The following SLC13A3 variants were observed in gnomAD, a reference collection of about 807,000 sequenced individuals.
The protein encoded by SLC13A3 is Na(+)/dicarboxylate cotransporter 3.
SLC13A3 carries 40 observed loss-of-function variants against 59.0 expected under a neutral mutation model. That is an observed-to-expected ratio of 0.68 (90% CI 0.53 to 0.88). The LOEUF is 0.88. SLC13A3 is among the 40% of genes least tolerant of loss of function. The pLI, the probability that SLC13A3 is intolerant of heterozygous loss-of-function variation, is 0.00. For synonymous variants in SLC13A3, 317 were observed against 330.3 expected, an observed-to-expected ratio of 0.96 and a Z score of 0.44; for missense variants, 699 against 783.2, an observed-to-expected ratio of 0.89 and a Z score of 1.28.
intron 3 of SLC13A3, among the ~76,000 whole-genome samples, chr20:46,606,413 C>T (rs1050866497): frequency 5.9e-5 from 9 of 152,162 alleles, no homozygotes; most frequent in African/African-American, 2.2e-4. Context: ...ATGAGCACCA[C>T]GCTTCACTCA....
At chr20:46,591,164 C>CTAAATAAATAAATAAA (rs56802241) in intron 6 of SLC13A3, among the ~76,000 whole-genome samples, 16 of 148,964 alleles carry the variant, frequency 1.1e-4, no homozygotes, top group Admixed American at 4.0e-4. Flanking sequence ...GAGACTTTGT[C>CTAAATAAATAAATAAA]TAAATAAATA....
At position 46,563,437 on chromosome 20, in the gene SLC13A3, C is replaced by T; in HGVS notation, c.1609G>A (p.Gly537Arg). 6.2e-7 allele frequency: 1 copy of T among 1,614,020 alleles called. No homozygotes were observed. Among genetic ancestry groups the T allele is most frequent in the Non-Finnish European group, 8.5e-7 (1 of 1,179,988 alleles). ...TPPNSIAFAS[G>R]HLLVKDMVRT... Reference sequence around the variant, plus strand: ...ACCATGTCTTTGACCAGCAAGTGTCCAGAGGCGAAGGCGATGGAGTTGGGG... The same window carrying T: ...ACCATGTCTTTGACCAGCAAGTGTCTAGAGGCGAAGGCGATGGAGTTGGGG... The change falls in exon 12 of 13, where the codon GGA becomes AGA. Residue 537 changes from glycine (G) to arginine (R), a missense_variant. By Grantham distance (125) the Gly-to-Arg change is moderately radical (BLOSUM62 -2). Transcript: ENST00000279027.
intron 10 of SLC13A3, among the ~76,000 whole-genome samples, chr20:46,573,527 A>G (rs926901580): frequency 6.6e-6 from 1 of 152,198 alleles, no homozygotes; most frequent in South Asian, 2.1e-4. Context: ...GTGCTTCCGA[A>G]TCTCCATCCC....
At chr20:46,589,290 T>G in intron 6 of SLC13A3, 35 bp from the exon 7 acceptor site, 3 of 1,566,842 alleles carry the variant, frequency 1.9e-6, no homozygotes, top group Non-Finnish European at 2.6e-6. Context: ...GAGTGGCCAC[T>G]GCAGGTATAA....
At chr20:46,573,473 T>C (rs2062047240) in intron 10 of SLC13A3, among the ~76,000 whole-genome samples, 1 of 152,102 alleles carries the variant, frequency 6.6e-6, no homozygotes, top group Non-Finnish European at 1.5e-5. Context: ...GCTTCCTTCC[T>C]CTCCCTTCCA....
intron 10 of SLC13A3, among the ~76,000 whole-genome samples, chr20:46,572,892 T>C (rs2062042754): frequency 6.6e-6 from 1 of 152,138 alleles, no homozygotes; most frequent in Non-Finnish European, 1.5e-5. Flanking sequence ...TGCAAGCTTC[T>C]TCAAGATCTG....
chr20:46,642,753 C>G, intron 1 of SLC13A3, among the ~76,000 whole-genome samples: 1 of 152,196 alleles, frequency 6.6e-6, no homozygotes, highest in East Asian at 1.9e-4. Flanking sequence ...TGTCCCTGTC[C>G]CTGGATTGCC....
At chr20:46,671,226 C>T (rs1429691552), upstream of SLC13A3, among the ~76,000 whole-genome samples, 1 of 152,250 alleles carries the variant, frequency 6.6e-6, no homozygotes. Flanking sequence ...GTGACTGAAG[C>T]GGGAATACAA....
intron 1 of SLC13A3, among the ~76,000 whole-genome samples, chr20:46,626,843 C>G (rs1310883967): frequency 6.6e-6 from 1 of 152,184 alleles, no homozygotes. Flanking sequence ...CCTTTTCCCC[C>G]GTCCAGGTCT....
At chr20:46,598,715 C>T (rs1209501054) in intron 4 of SLC13A3, among the ~76,000 whole-genome samples, 2 of 152,172 alleles carry the variant, frequency 1.3e-5, no homozygotes, top group African/African-American at 2.4e-5. Context: ...CTAAAATCTC[C>T]ATCAGCTCCC....
At chr20:46,652,720 G>A (rs1042923284), upstream of SLC13A3, among the ~76,000 whole-genome samples, 4 of 151,778 alleles carry the variant, frequency 2.6e-5, no homozygotes, top group Non-Finnish European at 4.4e-5. Flanking sequence ...TTTTAAGGGG[G>A]GTGAGTCACT....
chr20:46,648,318 T>G (rs1489722794), intron 1 of SLC13A3, among the ~76,000 whole-genome samples: 3 of 152,210 alleles, frequency 2.0e-5, no homozygotes, highest in African/African-American at 7.2e-5. Flanking sequence ...TACTTCTTAT[T>G]CGCATTGTAT....
chr20:46,623,351 T>A (rs2062634787), intron 1 of SLC13A3, among the ~76,000 whole-genome samples: 1 of 152,200 alleles, frequency 6.6e-6, no homozygotes, highest in Non-Finnish European at 1.5e-5. Flanking sequence ...AGGCGTCTTC[T>A]ATGTATTAAC....
upstream of SLC13A3, among the ~76,000 whole-genome samples, chr20:46,655,269 GTATACACATATATACACATA>G (rs201042150): frequency 2.0e-5 from 3 of 149,104 alleles, no homozygotes; most frequent in Admixed American, 1.3e-4. Context: ...ATACACATAT[GTATACACATATATACACATA>G]TATACACATA....
rs1390730164 is a variant in SLC13A3 at position 46,559,076 on chromosome 20, G to C, written c.*946C>G. The C allele has an allele frequency of 1.3e-5, 2 of 152,064 alleles. No homozygotes were observed. Among genetic ancestry groups the C allele is most frequent in the African/African-American group, 2.4e-5 (1 of 41,412 alleles). 9.4% of individuals were successfully genotyped at this position (152,064 alleles called of 1,614,324 possible). Reference sequence around the variant, plus strand: ...ATCTTTTGACTTTTCTCTCACCCCTGACAAATGGGGCCTTTGATAATTAAA... The same window carrying C: ...ATCTTTTGACTTTTCTCTCACCCCTCACAAATGGGGCCTTTGATAATTAAA... On this transcript the variant is annotated 3_prime_UTR_variant, in exon 13 of 13. Transcript: ENST00000279027.
chr20:46,642,962 T>C (rs181912821), intron 1 of SLC13A3, among the ~76,000 whole-genome samples: 5 of 152,308 alleles, frequency 3.3e-5, no homozygotes, highest in East Asian at 1.9e-4. Context: ...GGGCTCTTCA[T>C]TGGGCAAATG....
At position 46,627,048 on chromosome 20, in the gene SLC13A3, T is replaced by G. The variant is rs368336853; in HGVS notation, c.112-13323A>C. 2.6e-5 allele frequency among the ~76,000 whole-genome samples: 4 copies of G among 152,360 alleles called. 1 individual carries two copies. The highest frequency in any genetic ancestry group is 5.9e-5 in the Non-Finnish European group (4 of 68,042). On this transcript the variant is annotated intron_variant, in intron 1 of 12. Transcript: ENST00000279027. ...TCTTGTGGAGCCACTTATCACTAGCTGAAGTTTATTTTTTGTTCATTCACT... is the reference window on the plus strand; with the variant it reads ...TCTTGTGGAGCCACTTATCACTAGCGGAAGTTTATTTTTTGTTCATTCACT...
intron 1 of SLC13A3, among the ~76,000 whole-genome samples, chr20:46,648,940 CAT>C (rs545580742): frequency 0.075 from 10,246 of 135,934 alleles, 500 homozygotes; most frequent in African/African-American, 0.2. Flanking sequence ...CACACACACA[CAT>C]ACACACACAC....
chr20:46,679,059 G>A (rs1670035397), intron 1 of SLC13A3, among the ~76,000 whole-genome samples: 1 of 152,170 alleles, frequency 6.6e-6, no homozygotes, highest in Non-Finnish European at 1.5e-5. Context: ...AGATGCTGGA[G>A]CCATGCTTGT....
Sources: gnomAD v4.1 joint callset for allele counts (sites outside exome capture counted in the v4.1 genomes callset) on GRCh38, gnomAD v4.1.1 for gene constraint, MANE v1.5 for transcripts, NCBI Gene and HGNC (gene_info 2026-07-23, HGNC 2026-07-21) for gene names.